EYS: variants seen among roughly 807,000 people sequenced by gnomAD.
EYS encodes protein eyes shut homolog.
A neutral mutation model predicts 282.1 loss-of-function variants in EYS; 250 were observed. The ratio of observed to expected loss-of-function variants is 0.89; its 90% CI spans 0.80 to 0.98. The LOEUF is 0.98. Ranked by LOEUF, EYS falls within the 50% of genes least tolerant of loss-of-function variation. The pLI, the probability that EYS is intolerant of heterozygous loss-of-function variation, is 0.00. For missense variants in EYS, 4,016 were observed against 3,709.0 expected, an observed-to-expected ratio of 1.08 and a Z score of -2.15; for synonymous variants, 1,355 against 1,282.9, an observed-to-expected ratio of 1.06 and a Z score of -1.20.
intron 29 of EYS, among the ~76,000 whole-genome samples, chr6:64,343,530 C>T (rs1490101993): frequency 2.0e-5 from 3 of 151,930 alleles, no homozygotes; most frequent in African/African-American, 7.2e-5. Flanking sequence ...ACACAACATA[C>T]CAGAATCTCT....
intron 12 of EYS, among the ~76,000 whole-genome samples, chr6:65,195,275 A>G (rs767159445): frequency 2.6e-5 from 4 of 152,080 alleles, no homozygotes; most frequent in Non-Finnish European, 4.4e-5. Flanking sequence ...CAATTCCATC[A>G]TCAACTTGTA....
At chr6:65,392,655 T>G (rs930934511) in intron 7 of EYS, among the ~76,000 whole-genome samples, 3 of 152,070 alleles carry the variant, frequency 2.0e-5, no homozygotes, top group African/African-American at 7.2e-5. Context: ...TGGCAATCAT[T>G]AAAAAGTCAG....
chr6:65,699,298 T>C (rs1424891517), intron 1 of EYS, among the ~76,000 whole-genome samples: 1 of 152,164 alleles, frequency 6.6e-6, no homozygotes, highest in Non-Finnish European at 1.5e-5. Context: ...TACAAGTATT[T>C]TTATCAAAAT....
chr6:65,460,736 AACAAC>A (rs1247488520), intron 5 of EYS, among the ~76,000 whole-genome samples: 1 of 152,120 alleles, frequency 6.6e-6, no homozygotes, highest in Admixed American at 6.6e-5. Flanking sequence ...GATTACTACA[AACAAC>A]ACAATAGTTG....
intron 22 of EYS, among the ~76,000 whole-genome samples, chr6:64,642,611 T>C (rs1480244212): frequency 1.3e-5 from 2 of 152,242 alleles, no homozygotes; most frequent in African/African-American, 4.8e-5. Context: ...AAATCATAAA[T>C]GAAATGCTTC....
chr6:64,432,039 C>T (rs964348517), intron 28 of EYS, among the ~76,000 whole-genome samples: 18 of 152,012 alleles, frequency 1.2e-4, no homozygotes, highest in Admixed American at 3.9e-4. Flanking sequence ...TTTATTGTAT[C>T]CAATGCATGT....
Position 64,478,404 on chromosome 6 carries a change from A to G in EYS, c.5645-39052T>C, listed in dbSNP as rs1582802788. On this transcript the variant is annotated intron_variant, in intron 26 of 42. Coordinates refer to ENST00000503581, the MANE Select transcript of EYS (RefSeq NM_001142800.2). ...AATGGATGGAAAAAATAATTTAGAC[A>G]ATTTTAATATTTAAATGTTTTTAAA... 2.6e-5 allele frequency among the ~76,000 whole-genome samples: 4 copies of G among 151,808 alleles called. No individual in the cohort carries two copies. In the South Asian group the frequency reaches 8.3e-4, roughly 31 times the overall value.
At chr6:64,844,709 T>G (rs1425450294) in intron 19 of EYS, among the ~76,000 whole-genome samples, 3 of 152,166 alleles carry the variant, frequency 2.0e-5, no homozygotes, top group Non-Finnish European at 2.9e-5. Flanking sequence ...TGGAAATGGA[T>G]GAGTAGAGTT....
chr6:65,700,127 A>C (rs1385907964), intron 1 of EYS, among the ~76,000 whole-genome samples: 2 of 150,314 alleles, frequency 1.3e-5, no homozygotes, highest in Non-Finnish European at 3.0e-5. Flanking sequence ...AAAAAAAAAA[A>C]AAAAAAAAAA....
chr6:65,454,855 T>A (rs935208494), intron 5 of EYS, among the ~76,000 whole-genome samples: 1 of 152,144 alleles, frequency 6.6e-6, no homozygotes, highest in African/African-American at 2.4e-5. Context: ...TTGTGTTCCA[T>A]TGATTCATGT....
chr6:65,552,344 CACTA>C lies in EYS; in HGVS notation c.-332-56355_-332-56352del, dbSNP rs145580862. Among the ~76,000 whole-genome samples, 9 of 152,222 alleles carry C rather than the reference CACTA, an allele frequency of 5.9e-5. No homozygotes were observed. The East Asian group carries it at 1.5e-3, about 26-fold the overall frequency. On this transcript the variant is annotated intron_variant, in intron 2 of 42. Coordinates refer to ENST00000503581, the MANE Select transcript of EYS (RefSeq NM_001142800.2). ...TCCATCTTTATTAGAAGTAAGAATC[CACTA>C]ACTAAGAAATAAACATTGTTCTCTC...
At chr6:64,285,713 G>A (rs1294122580) in intron 30 of EYS, among the ~76,000 whole-genome samples, 1 of 152,162 alleles carries the variant, frequency 6.6e-6, no homozygotes, top group Non-Finnish European at 1.5e-5. Flanking sequence ...CATGGCTGGG[G>A]AGGCTTCACA....
intron 12 of EYS, among the ~76,000 whole-genome samples, chr6:65,147,181 T>C (rs1224584088): frequency 2.6e-5 from 4 of 152,078 alleles, no homozygotes; most frequent in Non-Finnish European, 5.9e-5. Flanking sequence ...CTAATTATTT[T>C]AATCTATAAA....
chr6:64,729,248 C>T lies in EYS; in HGVS notation c.3443+84130G>A, dbSNP rs116694109. On this transcript the variant is annotated intron_variant, in intron 22 of 42. Transcript: ENST00000503581. ...ATTTCCCTGCCTCCTATCCTTATCA[C>T]TACTAAGGCTGTATTGTATCAAGAA... is the stretch of plus-strand genomic sequence containing the variant. Among the ~76,000 whole-genome samples the T allele has an allele frequency of 9.0e-3, 1,373 of 152,300 alleles. 26 individuals are homozygous for T. Among genetic ancestry groups the T allele is most frequent in the African/African-American group, 0.031 (1,289 of 41,546 alleles).
chr6:63,720,879 T>C lies in EYS; in HGVS notation c.9152A>G (p.Gln3051Arg). 3.9e-6 allele frequency: 6 copies of C among 1,551,188 alleles called. No homozygotes were observed. Among genetic ancestry groups the C allele is most frequent in the Non-Finnish European group, 5.2e-6 (6 of 1,146,608 alleles). Reference protein sequence around the residue: ...CNKWHHVVVIQNQTLIKAYIN... With the variant: ...CNKWHHVVVIRNQTLIKAYIN... ...GTAGGCCTTGATAAGAGTCTGATTTTGAATTACAACTACATGGTGCCATTT... is the reference window on the plus strand; with the variant it reads ...GTAGGCCTTGATAAGAGTCTGATTTCGAATTACAACTACATGGTGCCATTT... The change falls in exon 43 of 43, where the codon CAA becomes CGA. Residue 3051 changes from glutamine to arginine, a missense_variant. Gln to Arg is a conservative substitution (Grantham distance 43). Coordinates refer to ENST00000503581, the MANE Select transcript of EYS (RefSeq NM_001142800.2).
At chr6:65,489,447 A>C (rs1416800914) in intron 5 of EYS, 1 of 152,212 alleles carries the variant, frequency 6.6e-6, no homozygotes, top group Non-Finnish European at 1.5e-5. Context: ...TGCCATTTAG[A>C]ATGGTGATCA....
chr6:64,151,550 C>T (rs1444242303), intron 31 of EYS, among the ~76,000 whole-genome samples: 1 of 150,856 alleles, frequency 6.6e-6, no homozygotes, highest in African/African-American at 2.4e-5. Flanking sequence ...TTAGTAGAGA[C>T]GGGGTTTCAC....
intron 22 of EYS, among the ~76,000 whole-genome samples, chr6:64,668,636 C>T (rs921814466): frequency 2.7e-5 from 4 of 146,896 alleles, no homozygotes; most frequent in African/African-American, 1.0e-4. Context: ...GCAATCTCGG[C>T]TCACCGCAAG....
At chr6:64,413,958 GGA>G (rs904328834) in intron 28 of EYS, among the ~76,000 whole-genome samples, 2 of 152,088 alleles carry the variant, frequency 1.3e-5, no homozygotes, top group Non-Finnish European at 2.9e-5. Context: ...CACCACATAA[GGA>G]CACTATGAGA....
Sources: allele counts gnomAD v4.1 joint callset (sites outside exome capture counted in the v4.1 genomes callset), GRCh38; gene constraint gnomAD v4.1.1; transcripts MANE v1.5; gene names NCBI Gene and HGNC (gene_info 2026-07-23, HGNC 2026-07-21).